CEBPZ: variants seen among roughly 807,000 people sequenced by gnomAD.
The protein encoded by CEBPZ is CCAAT/enhancer-binding protein zeta.
CEBPZ carries 78 observed loss-of-function variants against 104.5 expected under a neutral mutation model. The observed-to-expected ratio is 0.75, with a 90% confidence interval of 0.62 to 0.90. CEBPZ has a LOEUF of 0.90. Ranked by LOEUF, CEBPZ falls within the 40% of genes least tolerant of loss-of-function variation. CEBPZ has a pLI of 0.00. For synonymous variants in CEBPZ, 470 were observed against 427.0 expected (o/e 1.10, Z -1.24); for missense variants, 1,439 against 1,233.5 (o/e 1.17, Z -2.50).
intron 13 of CEBPZ, chr2:37,209,061 A>AG (rs1553349527): frequency 1.4e-5 from 2 of 148,068 alleles, no homozygotes. Flanking sequence ...AAAAAAAAAA[A>AG]TAATAATACT....
Position 37,201,656 on chromosome 2 carries a change from ACT to A in CEBPZ, c.*106_*107del. On this transcript the variant is annotated 3_prime_UTR_variant, in exon 16 of 16. Transcript: ENST00000234170. ...TTTATTTATAGTTTATTACAAATCC[ACT>A]GAGAAGTCTGGAATGTATGGAATCA... 1 of 755,244 alleles carries A rather than the reference ACT, an allele frequency of 1.3e-6. No individual in the cohort carries two copies. Among genetic ancestry groups the A allele is most frequent in the East Asian group, 2.7e-5 (1 of 37,306 alleles). 46.8% of individuals were successfully genotyped at this position (755,244 alleles called of 1,614,324 possible). A position where few individuals can be genotyped will look rare whatever the true frequency, so the allele number is the denominator to read the frequency against.
chr2:37,215,723 GC>G (rs1249039249), intron 8 of CEBPZ, among the ~76,000 whole-genome samples: 1 of 152,104 alleles, frequency 6.6e-6, no homozygotes, highest in African/African-American at 2.4e-5. Context: ...TTAAAATGAT[GC>G]TCTGTGACAA....
chr2:37,214,937 A>T lies in CEBPZ; in HGVS notation c.2396T>A (p.Phe799Tyr). ...TATTTGGCTTTCTTCTTTTGCAAGG[A>T]ACTCCTTACTGTTCACTACAAAAAT... is the stretch of plus-strand genomic sequence containing the variant. ...IRHLPVNSKE[F>Y]LAKEESQIPV... Residue 799 changes from phenylalanine (F) to tyrosine (Y), a missense_variant, in exon 9 of 16, where the codon TTC (phenylalanine) becomes TAC (tyrosine). Phe to Tyr is a conservative substitution (Grantham distance 22). Transcript: ENST00000234170. The T allele has an allele frequency of 6.2e-7, 1 of 1,608,046 alleles. No homozygotes were observed. Among genetic ancestry groups the T allele is most frequent in the Non-Finnish European group, 8.5e-7 (1 of 1,174,846 alleles).
chr2:37,213,070 AAAC>A (rs1677778963), intron 10 of CEBPZ, among the ~76,000 whole-genome samples: 1 of 151,994 alleles, frequency 6.6e-6, no homozygotes, highest in Admixed American at 6.6e-5. Flanking sequence ...ACCCCCCAAA[AAAC>A]AACAACAAAA....
chr2:37,209,324 C>T (rs1677643588), intron 13 of CEBPZ: 1 of 152,112 alleles, frequency 6.6e-6, no homozygotes, highest in African/African-American at 2.4e-5. Flanking sequence ...AAAATAAGAG[C>T]CTGCATAGCC....
intron 4 of CEBPZ, among the ~76,000 whole-genome samples, chr2:37,220,928 T>C (rs1039534444): frequency 6.6e-6 from 1 of 151,890 alleles, no homozygotes; most frequent in African/African-American, 2.4e-5. Flanking sequence ...GCCCAGGAGA[T>C]GGGAGTTGCA....
At chr2:37,214,855 T>C in intron 9 of CEBPZ, 31 bp downstream of exon 9, 1 of 1,405,314 alleles carries the variant, frequency 7.1e-7, no homozygotes, top group Non-Finnish European at 9.9e-7. Flanking sequence ...TTTAGCAGTT[T>C]CCCCAAATGA....
At chr2:37,217,367 C>G (rs1445969150) in intron 5 of CEBPZ, among the ~76,000 whole-genome samples, 1 of 152,104 alleles carries the variant, frequency 6.6e-6, no homozygotes. Context: ...CACCACTGCA[C>G]TCCAGCCTGG....
At chr2:37,229,639 A>G (rs1664984820) in intron 1 of CEBPZ, among the ~76,000 whole-genome samples, 1 of 152,194 alleles carries the variant, frequency 6.6e-6, no homozygotes. Flanking sequence ...ATGGAGGACA[A>G]TTTGTCAACT....
In CEBPZ at chr2:37,214,880, T is replaced by C. The variant is rs529344466; in HGVS notation, c.2447+6A>G. On this transcript the variant is annotated splice_donor_region_variant and intron_variant, in intron 9 of 15. Transcript: ENST00000234170. ...TCCCCAAATGAAACTATATTATGTA[T>C]AGTACCTGTGGAAAAACACTTCATC... 9 of 1,588,322 alleles carry C rather than the reference T, an allele frequency of 5.7e-6. No individual in the cohort carries two copies. The highest frequency in any genetic ancestry group is 7.8e-6 in the Non-Finnish European group (9 of 1,157,102).
In CEBPZ at chr2:37,229,041, A is replaced by T. The variant is rs1472174630; in HGVS notation, c.157-5T>A. On this transcript the variant is annotated splice_region_variant and splice_polypyrimidine_tract_variant and intron_variant, in intron 1 of 15. Transcript: ENST00000234170. Reference sequence around the variant, plus strand: ...AGCCAGCATAAGGTAATCTTGCTGCATTAAAAACATAAGTTAAAAATACAT... The same window carrying T: ...AGCCAGCATAAGGTAATCTTGCTGCTTTAAAAACATAAGTTAAAAATACAT... 6.7e-7 allele frequency: 1 copy of T among 1,500,022 alleles called. No homozygotes were observed. The highest frequency in any genetic ancestry group is 2.4e-5 in the East Asian group (1 of 42,178). 92.9% of individuals were successfully genotyped at this position (1,500,022 alleles called of 1,614,324 possible). A position where few individuals can be genotyped will look rare whatever the true frequency, so the allele number is the denominator to read the frequency against.
At position 37,228,327 on chromosome 2, in the gene CEBPZ, A is replaced by G. The variant is rs1664942360; in HGVS notation, c.866T>C (p.Phe289Ser). The G allele has an allele frequency of 6.2e-7, 1 of 1,614,206 alleles. No homozygotes were observed. The highest frequency in any genetic ancestry group is 8.5e-7 in the Non-Finnish European group (1 of 1,180,042). ...AAGGTCTGTGATAAGCAACTCTTTG[A>G]AAGTATCCAAGGCCATAAGGCACTG... is the stretch of plus-strand genomic sequence containing the variant. The part of the protein sequence containing the change: ...KQQCLMALDT[F>S]KELLITDLLP... The change falls in exon 2 of 16, where the codon TTC becomes TCC. Residue 289 changes from phenylalanine (F) to serine (S), a missense_variant. Physicochemically the swap from Phe to Ser is radical, Grantham distance 155. Coordinates refer to ENST00000234170, the MANE Select transcript of CEBPZ (RefSeq NM_005760.3).
intron 5 of CEBPZ, among the ~76,000 whole-genome samples, chr2:37,217,927 C>G (rs1223027998): frequency 1.4e-5 from 2 of 141,694 alleles, no homozygotes; most frequent in African/African-American, 2.6e-5. Flanking sequence ...AAAACAAAAA[C>G]AAAAACCATA....
rs545951242 is a variant in CEBPZ at position 37,222,292 on chromosome 2, A to C, written c.2065+88T>G. 71 of 1,168,020 alleles carry C rather than the reference A, an allele frequency of 6.1e-5. No individual in the cohort carries two copies. The Admixed American group carries it at 1.5e-3, about 24-fold the overall frequency. 72.4% of individuals were successfully genotyped at this position (1,168,020 alleles called of 1,614,324 possible). ...GAGTGAGACTCTGTCTAAATAAATAAATAAGTAAATAAAATGGTAGAATGC... is the reference window on the plus strand; with the variant it reads ...GAGTGAGACTCTGTCTAAATAAATACATAAGTAAATAAAATGGTAGAATGC... On this transcript the variant is annotated intron_variant, in intron 4 of 15. Transcript: ENST00000234170.
At chr2:37,222,992 A>C (rs1664805424) in intron 3 of CEBPZ, among the ~76,000 whole-genome samples, 178 bp downstream of exon 3, 2 of 152,226 alleles carry the variant, frequency 1.3e-5, no homozygotes, top group Admixed American at 1.3e-4. Flanking sequence ...AGAGTTGAGC[A>C]ACATGCCCAC....
intron 2 of CEBPZ, among the ~76,000 whole-genome samples, chr2:37,226,119 T>C (rs920055294): frequency 1.3e-5 from 2 of 151,952 alleles, no homozygotes; most frequent in African/African-American, 4.8e-5. Context: ...CAATAAATAC[T>C]AAGGGAACTC....
At chr2:37,223,460 T>A in intron 2 of CEBPZ, 59 bp from the exon 3 acceptor site, 1 of 1,439,668 alleles carries the variant, frequency 6.9e-7, no homozygotes, top group South Asian at 1.2e-5. Context: ...CAACCAATGG[T>A]CACATATTAG....
In CEBPZ at chr2:37,231,173, C is replaced by A. The variant is rs1027869369; in HGVS notation, c.156+239G>T. 3.5e-5 allele frequency: 24 copies of A among 686,462 alleles called. 1 individual carries two copies. Among genetic ancestry groups the A allele is most frequent in the Admixed American group, 2.7e-4 (13 of 48,814 alleles). 42.5% of individuals were successfully genotyped at this position (686,462 alleles called of 1,614,324 possible). The stretch of plus-strand genomic sequence containing the variant: ...GATGGTTATACCACGTCAATAAAAT[C>A]AGAAGATCGCCTACATCCTAAGAAT... On this transcript the variant is annotated intron_variant, in intron 1 of 15. Coordinates refer to ENST00000234170, the MANE Select transcript of CEBPZ (RefSeq NM_005760.3).
rs565707666 is a variant in CEBPZ at position 37,231,548 on chromosome 2, G to A, written c.20C>T (p.Pro7Leu). Residue 7 changes from proline (P) to leucine (L), a missense_variant, in exon 1 of 16, where the codon CCT (proline) becomes CTT (leucine). Coordinates refer to ENST00000234170, the MANE Select transcript of CEBPZ (RefSeq NM_005760.3). Reference sequence around the variant, plus strand: ...AGGCCGCTTGGCATGGAACTCCAAAGGCTCCTTGACTGCGGCCATGGCGGG... The same window carrying A: ...AGGCCGCTTGGCATGGAACTCCAAAAGCTCCTTGACTGCGGCCATGGCGGG... MAAVKE[P>L]LEFHAKRPWR... 7.4e-6 allele frequency: 12 copies of A among 1,614,224 alleles called. No homozygotes were observed. The highest frequency in any genetic ancestry group is 1.0e-5 in the Non-Finnish European group (12 of 1,180,030).
Sources: gnomAD v4.1 joint callset for allele counts (sites outside exome capture counted in the v4.1 genomes callset) on GRCh38, gnomAD v4.1.1 for gene constraint, MANE v1.5 for transcripts, NCBI Gene and HGNC (gene_info 2026-07-23, HGNC 2026-07-21) for gene names.